The following USP45 variants were observed in gnomAD, a reference collection of about 807,000 sequenced individuals.
USP45 encodes ubiquitin carboxyl-terminal hydrolase 45.
USP45 carries 89 observed loss-of-function variants against 95.8 expected under a neutral mutation model. The ratio of observed to expected loss-of-function variants is 0.93; its 90% CI spans 0.78 to 1.11. The LOEUF is 1.11. USP45 is among the 50% of genes least tolerant of loss of function. USP45 has a pLI of 0.00. For missense variants in USP45, 898 were observed against 942.5 expected (o/e 0.95, Z 0.62); for synonymous variants, 281 against 316.2 (o/e 0.89, Z 1.18).
rs775577963 is a variant in USP45 at position 99,504,166 on chromosome 6, AGTCTCGCTCTG to A, written c.378-312_378-302del. Among the ~76,000 whole-genome samples the A allele has an allele frequency of 7.2e-5, 11 of 152,120 alleles. 1 individual carries two copies. The highest frequency in any genetic ancestry group is 6.6e-4 in the Admixed American group (10 of 15,262). On this transcript the variant is annotated intron_variant, in intron 4 of 17. Transcript: ENST00000500704. ...TATTTATTTTTTATTTTTGAGACAG[AGTCTCGCTCTG>A]TTTCCCAGGCTGGAGTGCAGCTGTG...
intron 4 of USP45, among the ~76,000 whole-genome samples, chr6:99,505,748 A>C (rs6926881): frequency 0.85 from 129,542 of 152,142 alleles, 55,843 homozygotes; most frequent in East Asian, 0.99. Context: ...ACTGTGGTCT[A>C]CAGACCAGCA....
In USP45 at chr6:99,508,710, A is replaced by C; in HGVS notation, c.173T>G (p.Leu58Arg). 6.2e-7 allele frequency: 1 copy of C among 1,613,820 alleles called. No homozygotes were observed. Among genetic ancestry groups the C allele is most frequent in the Non-Finnish European group, 8.5e-7 (1 of 1,179,924 alleles). ...NHVKRAIAEN[L>R]WSVCSECLKE... ...TAAACATTCTGAGCAAACTGACCAC[A>C]GATTCTCAGCTATTGCTCTCTTTAC... The change falls in exon 3 of 18, where the codon CTG becomes CGG. Residue 58 changes from leucine to arginine, a missense_variant. Transcript: ENST00000500704.
chr6:99,461,435 A>T (rs1786451768), intron 13 of USP45: 1 of 985,282 alleles, frequency 1.0e-6, no homozygotes, highest in Admixed American at 6.1e-5. Flanking sequence ...CTGTTTACGT[A>T]TCTGCCTCCT....
intron 10 of USP45, among the ~76,000 whole-genome samples, chr6:99,467,556 G>A (rs1223548900): frequency 6.6e-6 from 1 of 151,720 alleles, no homozygotes; most frequent in East Asian, 1.9e-4. Flanking sequence ...GAAAACATGT[G>A]AATATATCAG....
chr6:99,448,086 G>A (rs1346436777), intron 13 of USP45, among the ~76,000 whole-genome samples: 1 of 152,122 alleles, frequency 6.6e-6, no homozygotes, highest in South Asian at 2.1e-4. Context: ...CCACAAAGAT[G>A]GGGAAAAAAC....
At chr6:99,488,321 T>A (rs914888682) in intron 6 of USP45, 26 bp from the exon 7 acceptor site, 1 of 1,470,590 alleles carries the variant, frequency 6.8e-7, no homozygotes, top group Non-Finnish European at 9.4e-7. Context: ...ATTAAAGTCT[T>A]CAGATTCAGT....
intron 13 of USP45, among the ~76,000 whole-genome samples, chr6:99,451,784 A>C (rs1484319507): frequency 6.6e-6 from 1 of 152,230 alleles, no homozygotes; most frequent in Non-Finnish European, 1.5e-5. Flanking sequence ...AAACTATACT[A>C]CAAGGCTATA....
rs371680612 is a variant in USP45 at position 99,508,736 on chromosome 6, A to C, written c.147T>G (p.His49Gln). ...QHVSHAISVN[H>Q]VKRAIAENLW... ...GATTCTCAGCTATTGCTCTCTTTACATGATTCACGCTGATAGCATGACTTA... is the reference window on the plus strand; with the variant it reads ...GATTCTCAGCTATTGCTCTCTTTACCTGATTCACGCTGATAGCATGACTTA... Residue 49 changes from histidine (H) to glutamine (Q), a missense_variant, in exon 3 of 18, where the codon CAT becomes CAG. Coordinates refer to ENST00000500704, the MANE Select transcript of USP45 (RefSeq NM_001346022.3). 3 of 1,613,512 alleles carry C rather than the reference A, an allele frequency of 1.9e-6. No individual in the cohort carries two copies. Among genetic ancestry groups the C allele is most frequent in the Non-Finnish European group, 2.5e-6 (3 of 1,179,892 alleles).
chr6:99,472,916 T>C (rs1789802738), intron 9 of USP45, among the ~76,000 whole-genome samples: 1 of 152,214 alleles, frequency 6.6e-6, no homozygotes, highest in African/African-American at 2.4e-5. Flanking sequence ...TCAGAAAGAC[T>C]TGAGTTTGAA....
At chr6:99,441,576 A>G (rs1182317288) in intron 15 of USP45, among the ~76,000 whole-genome samples, 2 of 152,116 alleles carry the variant, frequency 1.3e-5, no homozygotes, top group Non-Finnish European at 2.9e-5. Flanking sequence ...ATTCATTACT[A>G]AATTGCTTTC....
intron 15 of USP45, among the ~76,000 whole-genome samples, chr6:99,440,768 A>G (rs1781373235): frequency 6.6e-6 from 1 of 152,176 alleles, no homozygotes; most frequent in African/African-American, 2.4e-5. Flanking sequence ...AAAATAGCTG[A>G]CATGAAATTA....
intron 13 of USP45, chr6:99,462,790 C>T: frequency 1.7e-6 from 1 of 601,666 alleles, no homozygotes; most frequent in South Asian, 5.7e-5. Flanking sequence ...TGAGACCAGC[C>T]CAGCCAACAT....
intron 16 of USP45, among the ~76,000 whole-genome samples, chr6:99,439,503 G>A (rs1253596557): frequency 6.6e-6 from 1 of 152,140 alleles, no homozygotes; most frequent in African/African-American, 2.4e-5. Context: ...GCAACCATCA[G>A]CTTCCAGTAG....
At chr6:99,513,986 C>T (rs1211852798) in intron 1 of USP45, among the ~76,000 whole-genome samples, 1 of 152,064 alleles carries the variant, frequency 6.6e-6, no homozygotes, top group Non-Finnish European at 1.5e-5. Flanking sequence ...ACACTAAAAG[C>T]CCAGTACCAC....
At position 99,441,158 on chromosome 6, in the gene USP45, C is replaced by A. The variant is rs374370398; in HGVS notation, c.2074-1303G>T. 1.4e-4 allele frequency among the ~76,000 whole-genome samples: 3 copies of A among 22,100 alleles called. No homozygotes were observed. In the East Asian group the frequency reaches 4.9e-3, roughly 36 times the overall value. 14.5% of individuals were successfully genotyped at this position (22,100 alleles called of 152,430 possible). On this transcript the variant is annotated intron_variant, in intron 15 of 17. Transcript: ENST00000500704. ...TGGCATGATCTGAGTGGGGCACACA[C>A]AAATTTTTGTGTATATCTATTTCCT...
At position 99,432,948 on chromosome 6, in the gene USP45, A is replaced by G. The variant is rs1277736181; in HGVS notation, c.*2768T>C. On this transcript the variant is annotated 3_prime_UTR_variant, in exon 18 of 18. Coordinates refer to ENST00000500704, the MANE Select transcript of USP45 (RefSeq NM_001346022.3). ...AAATAGCTCTGTTGGTACATTTAAA[A>G]TAAGAGAACAGGCATCAACTATTCT... 6 of 152,704 alleles carry G rather than the reference A, an allele frequency of 3.9e-5. No individual in the cohort carries two copies. The East Asian group carries it at 1.2e-3, about 29-fold the overall frequency. 9.5% of individuals were successfully genotyped at this position (152,704 alleles called of 1,614,324 possible).
chr6:99,443,117 T>G (rs1295333225), intron 15 of USP45, among the ~76,000 whole-genome samples: 1 of 152,004 alleles, frequency 6.6e-6, no homozygotes, highest in South Asian at 2.1e-4. Context: ...TTTGGGAGGC[T>G]GAGGCAGGAG....
intron 9 of USP45, among the ~76,000 whole-genome samples, chr6:99,469,460 A>T (rs965750356): frequency 6.6e-5 from 9 of 135,590 alleles, no homozygotes; most frequent in Non-Finnish European, 1.2e-4. Flanking sequence ...ATATATAATT[A>T]ATATATATAT....
chr6:99,494,793 C>T (rs1164154532), intron 5 of USP45, among the ~76,000 whole-genome samples: 1 of 152,110 alleles, frequency 6.6e-6, no homozygotes, highest in African/African-American at 2.4e-5. Flanking sequence ...ACTCAGGAGG[C>T]TGAGGCAGGA....
Sources: gnomAD v4.1 joint callset for allele counts (sites outside exome capture counted in the v4.1 genomes callset) on GRCh38, gnomAD v4.1.1 for gene constraint, MANE v1.5 for transcripts, NCBI Gene and HGNC (gene_info 2026-07-23, HGNC 2026-07-21) for gene names.